MALRD1: variants seen among roughly 807,000 people sequenced by gnomAD.
MALRD1 encodes MAM and LDL receptor class A domain containing 1.
A neutral mutation model predicts 242.1 loss-of-function variants in MALRD1; 247 were observed. That is an observed-to-expected ratio of 1.02 (90% CI 0.92 to 1.13). The LOEUF is 1.13. MALRD1 is among the 50% of genes most tolerant of loss of function. MALRD1 has a pLI of 0.00. For synonymous variants in MALRD1, 995 were observed against 866.6 expected, an observed-to-expected ratio of 1.15 and a Z score of -2.60; for missense variants, 2,989 against 2,533.1, an observed-to-expected ratio of 1.18 and a Z score of -3.86.
At chr10:19,596,455 T>A (rs1359248193) in intron 34 of MALRD1, among the ~76,000 whole-genome samples, 1 of 152,088 alleles carries the variant, frequency 6.6e-6, no homozygotes, top group Admixed American at 6.6e-5. Context: ...TGAGGCTGGG[T>A]GCAGTGGCTC....
At chr10:19,099,731 C>T (rs1836178594) in intron 4 of MALRD1, among the ~76,000 whole-genome samples, 1 of 150,578 alleles carries the variant, frequency 6.6e-6, no homozygotes, top group African/African-American at 2.4e-5. Flanking sequence ...CAGCTCTGAC[C>T]AGGACCCTCC....
At chr10:19,552,385 G>T (rs7896333) in intron 32 of MALRD1, among the ~76,000 whole-genome samples, 103,412 of 152,000 alleles carry the variant, frequency 0.68, 39,587 homozygotes, top group Non-Finnish European at 0.84. Flanking sequence ...TTCTCTGATG[G>T]TTGTTTGTAT....
chr10:19,352,782 A>T (rs866658793), intron 26 of MALRD1, among the ~76,000 whole-genome samples: 18 of 152,286 alleles, frequency 1.2e-4, no homozygotes, highest in Non-Finnish European at 1.9e-4. Context: ...CTTTTAACCT[A>T]AAATAACTTT....
rs536652033 is a variant in MALRD1, at chr10:19,644,251, A to G, written c.6137+28328A>G. Reference sequence around the variant, plus strand: ...GGAGAAGATTCAAAGGCAATGCTTTATAGGTTTGTAGGTTCCCTAACTACA... The same window carrying G: ...GGAGAAGATTCAAAGGCAATGCTTTGTAGGTTTGTAGGTTCCCTAACTACA... On this transcript the variant is annotated intron_variant, in intron 36 of 39. Transcript: ENST00000454679. Among the ~76,000 whole-genome samples the G allele has an allele frequency of 4.6e-5, 7 of 152,304 alleles. No individual in the cohort carries two copies. The South Asian group carries it at 1.2e-3, about 27-fold the overall frequency.
chr10:19,699,456 C>T (rs1448278314), intron 38 of MALRD1, among the ~76,000 whole-genome samples: 1 of 152,030 alleles, frequency 6.6e-6, no homozygotes, highest in African/African-American at 2.4e-5. Flanking sequence ...TAGGGTTGTT[C>T]AGGCAGTGCT....
At chr10:19,575,266 C>T (rs1000701511) in intron 33 of MALRD1, among the ~76,000 whole-genome samples, 1 of 152,140 alleles carries the variant, frequency 6.6e-6, no homozygotes, top group African/African-American at 2.4e-5. Flanking sequence ...CTAAACAAAC[C>T]CCCAGTTTGT....
intron 14 of MALRD1, among the ~76,000 whole-genome samples, chr10:19,187,048 A>T (rs2131575738): frequency 6.6e-6 from 1 of 152,322 alleles, no homozygotes; most frequent in South Asian, 2.1e-4. Context: ...AGGTTTAGAG[A>T]CACCTAAAAG....
chr10:19,143,655 T>G (rs1833626933), intron 10 of MALRD1, among the ~76,000 whole-genome samples: 1 of 152,178 alleles, frequency 6.6e-6, no homozygotes, highest in Non-Finnish European at 1.5e-5. Flanking sequence ...CAGGGAAGTG[T>G]GTTCTAGGAA....
In MALRD1 at chr10:19,692,263, T is replaced by G. The variant is rs956512083; in HGVS notation, c.6138-19T>G. 1 of 1,520,238 alleles carries G rather than the reference T, an allele frequency of 6.6e-7. No individual in the cohort carries two copies. The highest frequency in any genetic ancestry group is 8.8e-7 in the Non-Finnish European group (1 of 1,136,820). The allele number at this position is 1,520,238 out of a possible 1,614,324, so 94.2% of individuals were successfully genotyped here. A position where few individuals can be genotyped will look rare whatever the true frequency, so the allele number is the denominator to read the frequency against. On this transcript the variant is annotated intron_variant, in intron 36 of 39. Transcript: ENST00000454679. ...TCACTTTTCTTTTTTCCAACTATTT[T>G]ATTTTATCTCCTTTCCAGATGTAGA...
At chr10:19,095,538 T>G (rs891208234) in intron 4 of MALRD1, among the ~76,000 whole-genome samples, 1 of 152,118 alleles carries the variant, frequency 6.6e-6, no homozygotes, top group Non-Finnish European at 1.5e-5. Context: ...ATTCATTCAC[T>G]TAAGAAAGAT....
chr10:19,450,272 G>C, intron 28 of MALRD1, 35 bp from the exon 29 acceptor site: 1 of 1,513,152 alleles, frequency 6.6e-7, no homozygotes. Context: ...TTTTGTGTTT[G>C]ATTATTTCCC....
At chr10:19,423,750 G>A (rs1236584341) in intron 28 of MALRD1, among the ~76,000 whole-genome samples, 1 of 152,126 alleles carries the variant, frequency 6.6e-6, no homozygotes, top group African/African-American at 2.4e-5. Context: ...GAAAAGAGAC[G>A]TGTAAAATTG....
At chr10:19,217,520 T>G (rs1245210174) in intron 18 of MALRD1, among the ~76,000 whole-genome samples, 1 of 149,590 alleles carries the variant, frequency 6.7e-6, no homozygotes, top group African/African-American at 2.5e-5. Flanking sequence ...AGATATACAT[T>G]TATCATGCAG....
chr10:19,687,455 C>T (rs1013598773), intron 36 of MALRD1, among the ~76,000 whole-genome samples: 1 of 152,178 alleles, frequency 6.6e-6, no homozygotes, highest in African/African-American at 2.4e-5. Context: ...CTTCCCACAG[C>T]TGTGCCTAAA....
At chr10:19,175,439 A>T in intron 14 of MALRD1, 111 bp downstream of exon 14, 1 of 613,322 alleles carries the variant, frequency 1.6e-6, no homozygotes, top group African/African-American at 2.0e-5. Flanking sequence ...GGTGTGGATT[A>T]TATCACCTGT....
At position 19,209,549 on chromosome 10, in the gene MALRD1, A is replaced by G. The variant is rs1361747547; in HGVS notation, c.2860A>G (p.Ile954Val). Residue 954 changes from isoleucine to valine, a missense_variant, in exon 18 of 40, where the codon ATT becomes GTT. Coordinates refer to ENST00000454679, the MANE Select transcript of MALRD1 (RefSeq NM_001142308.3). Reference sequence around the variant, plus strand: ...CTATTACCACATGTTTGGAAAGCGCATTTATAGGTTGGCAATCTACCAACG... The same window carrying G: ...CTATTACCACATGTTTGGAAAGCGCGTTTATAGGTTGGCAATCTACCAACG... ...RFYYHMFGKR[I>V]YRLAIYQRIW... 4 of 1,550,704 alleles carry G rather than the reference A, an allele frequency of 2.6e-6. No individual in the cohort carries two copies. The highest frequency in any genetic ancestry group is 3.9e-5 in the Admixed American group (2 of 50,974).
intron 36 of MALRD1, among the ~76,000 whole-genome samples, chr10:19,686,539 T>A (rs1003350959): frequency 5.3e-5 from 8 of 152,176 alleles, no homozygotes; most frequent in Non-Finnish European, 1.5e-5. Context: ...AAGCTGCTGA[T>A]CTCCAGTTTC....
intron 36 of MALRD1, among the ~76,000 whole-genome samples, chr10:19,682,804 G>C (rs931264001): frequency 1.3e-5 from 2 of 152,120 alleles, no homozygotes; most frequent in African/African-American, 2.4e-5. Context: ...GAAAACACTC[G>C]ATCTGAGCTG....
intron 31 of MALRD1, among the ~76,000 whole-genome samples, chr10:19,513,980 T>C (rs1833521511): frequency 6.6e-6 from 1 of 152,178 alleles, no homozygotes; most frequent in South Asian, 2.1e-4. Flanking sequence ...AATGATGGGA[T>C]CTTAAAGTTA....
Sources: gnomAD v4.1 joint callset for allele counts (sites outside exome capture counted in the v4.1 genomes callset) on GRCh38, gnomAD v4.1.1 for gene constraint, MANE v1.5 for transcripts, NCBI Gene and HGNC (gene_info 2026-07-23, HGNC 2026-07-21) for gene names.